The following VAC14 variants were observed in gnomAD, a reference collection of about 807,000 sequenced individuals.
VAC14 encodes protein VAC14 homolog.
Under a neutral mutation model 85.3 loss-of-function variants are expected in VAC14, and 47 were observed. That is an observed-to-expected ratio of 0.55 (90% CI 0.44 to 0.70). The LOEUF is 0.70. Among genes scored for constraint, VAC14 ranks in the 30% least tolerant of loss-of-function variants. The pLI, the probability that VAC14 is intolerant of heterozygous loss-of-function variation, is 0.00. For missense variants in VAC14, 861 were observed against 1,004.3 expected (o/e 0.86, Z 1.93); for synonymous variants, 447 against 430.5 (o/e 1.04, Z -0.47).
At chr16:70,733,051 A>T (rs1259390916) in intron 13 of VAC14, among the ~76,000 whole-genome samples, 1 of 152,246 alleles carries the variant, frequency 6.6e-6, no homozygotes, top group Non-Finnish European at 1.5e-5. Flanking sequence ...TTTTCAGGAC[A>T]TTCACAAAGT....
chr16:70,731,698 A>G, intron 13 of VAC14, 71 bp from the exon 14 acceptor site: 1 of 1,498,412 alleles, frequency 6.7e-7, no homozygotes, highest in Non-Finnish European at 9.0e-7. Flanking sequence ...TCCACACAGA[A>G]TATAAACAAC....
intron 1 of VAC14, among the ~76,000 whole-genome samples, chr16:70,792,385 C>T (rs1327904281): frequency 6.6e-6 from 1 of 152,166 alleles, no homozygotes; most frequent in Non-Finnish European, 1.5e-5. Context: ...GATCACAAAT[C>T]CCTGGAGACC....
At chr16:70,718,495 A>G (rs1213095494) in intron 14 of VAC14, among the ~76,000 whole-genome samples, 2 of 151,606 alleles carry the variant, frequency 1.3e-5, no homozygotes, top group Admixed American at 6.6e-5. Context: ...AATGGCATGA[A>G]CCCAGGAGGC....
At chr16:70,691,904 C>T in intron 18 of VAC14, 2 of 985,306 alleles carry the variant, frequency 2.0e-6, no homozygotes, top group Non-Finnish European at 2.4e-6. Context: ...GCACCCGAGG[C>T]CCTTTGCTGG....
intron 13 of VAC14, among the ~76,000 whole-genome samples, chr16:70,736,684 G>A (rs535904279): frequency 2.0e-5 from 3 of 152,318 alleles, no homozygotes; most frequent in Admixed American, 2.0e-4. Context: ...GGGAGGAGGA[G>A]GGCAGTGTCA....
At chr16:70,716,973 C>T (rs1017521556) in intron 14 of VAC14, 1 of 152,256 alleles carries the variant, frequency 6.6e-6, no homozygotes, top group Admixed American at 6.5e-5. Context: ...AAAGTCACTC[C>T]TTCAGTTACC....
chr16:70,780,428 T>C (rs1409590867), intron 9 of VAC14, among the ~76,000 whole-genome samples: 3 of 152,048 alleles, frequency 2.0e-5, no homozygotes, highest in Non-Finnish European at 2.9e-5. Flanking sequence ...GCTCCAAACC[T>C]TCCTGCCCTG....
intron 14 of VAC14, among the ~76,000 whole-genome samples, chr16:70,721,003 A>T (rs1170704506): frequency 6.6e-6 from 1 of 152,256 alleles, no homozygotes; most frequent in African/African-American, 2.4e-5. Context: ...AAAGAGGCCA[A>T]AGTGGATGAT....
intron 12 of VAC14, among the ~76,000 whole-genome samples, chr16:70,760,174 G>A (rs2032210496): frequency 6.6e-6 from 1 of 152,278 alleles, no homozygotes; most frequent in Non-Finnish European, 1.5e-5. Flanking sequence ...ACTTTGGTAG[G>A]AGAGGACCTG....
chr16:70,762,455 TACCA>T lies in VAC14; in HGVS notation c.1371+81_1371+84del. On this transcript the variant is annotated intron_variant, in intron 12 of 18. Transcript: ENST00000261776. The surrounding 1 kb of genome is among the most constrained non-coding windows in gnomAD (Gnocchi z 4.1). ...CTTTACCTCTAGGAAGGATGCACTG[TACCA>T]AAATAAGCATATCTCAGTCACTAAC... The T allele has an allele frequency of 7.4e-7, 1 of 1,360,500 alleles. No homozygotes were observed. The highest frequency in any genetic ancestry group is 1.0e-6 in the Non-Finnish European group (1 of 961,836). The allele number at this position is 1,360,500 out of a possible 1,614,324, so 84.3% of individuals were successfully genotyped here.
intron 13 of VAC14, among the ~76,000 whole-genome samples, chr16:70,732,744 G>A (rs1597901974): frequency 2.6e-5 from 4 of 151,928 alleles, no homozygotes; most frequent in Admixed American, 2.0e-4. Context: ...CTGGATTCAA[G>A]CTATCCTCTT....
At chr16:70,697,021 G>A (rs969024349) in intron 16 of VAC14, 118 bp downstream of exon 16, 100 of 767,940 alleles carry the variant, frequency 1.3e-4, no homozygotes, top group Non-Finnish European at 2.2e-4. Flanking sequence ...CTGAGGCTGA[G>A]TGGAGGGGTG....
At chr16:70,728,300 C>A (rs958107400) in intron 14 of VAC14, among the ~76,000 whole-genome samples, 1 of 152,126 alleles carries the variant, frequency 6.6e-6, no homozygotes, top group Admixed American at 6.5e-5. Context: ...GTGGTCCTGG[C>A]ACGCAGGATG....
At chr16:70,688,847 T>C (rs1291532087) in intron 18 of VAC14, 4 of 985,502 alleles carry the variant, frequency 4.1e-6, no homozygotes, top group Non-Finnish European at 4.8e-6. Flanking sequence ...TCCTGTCCTG[T>C]TCCTACTCAC....
At chr16:70,766,334 T>A (rs2032811197) in intron 10 of VAC14, 1 of 376,420 alleles carries the variant, frequency 2.7e-6, no homozygotes, top group Non-Finnish European at 5.4e-6. Flanking sequence ...CTGTGGGGCC[T>A]CTCCTGCAAG....
intron 12 of VAC14, among the ~76,000 whole-genome samples, chr16:70,760,219 C>T (rs925807801): frequency 9.9e-5 from 15 of 152,280 alleles, no homozygotes; most frequent in African/African-American, 3.4e-4. Context: ...ACCTAACAAG[C>T]TTTCATAGTC....
At chr16:70,738,925 G>A (rs1410973516) in intron 13 of VAC14, among the ~76,000 whole-genome samples, 1 of 152,188 alleles carries the variant, frequency 6.6e-6, no homozygotes, top group Middle Eastern at 3.2e-3. Context: ...ACAGCCAGGA[G>A]GGAACAGATG....
chr16:70,782,110 C>A, intron 7 of VAC14, 107 bp from the exon 8 acceptor site: 7 of 1,444,714 alleles, frequency 4.8e-6, no homozygotes, highest in East Asian at 2.4e-5. Context: ...GGAACCCAAG[C>A]GCCTGACGGC....
chr16:70,740,971 C>T (rs567703518), intron 13 of VAC14, among the ~76,000 whole-genome samples: 98 of 152,344 alleles, frequency 6.4e-4, no homozygotes, highest in African/African-American at 2.3e-3. Flanking sequence ...GTGATGGACT[C>T]GCTTCTCCAC....
Sources: gnomAD v4.1 joint callset for allele counts (sites outside exome capture counted in the v4.1 genomes callset) on GRCh38, gnomAD v4.1.1 for gene constraint, Gnocchi (gnomAD v3.1) non-coding constraint, MANE v1.5 for transcripts, NCBI Gene and HGNC (gene_info 2026-07-23, HGNC 2026-07-21) for gene names.